PALM2AKAP2: variants seen among roughly 807,000 people sequenced by gnomAD.
PALM2AKAP2 encodes the protein PALM2 and AKAP2 fusion.
PALM2AKAP2 carries 37 observed loss-of-function variants against 71.5 expected under a neutral mutation model. The ratio of observed to expected loss-of-function variants is 0.52; its 90% CI spans 0.40 to 0.68. The LOEUF is 0.68. Ranked by LOEUF, PALM2AKAP2 falls within the 30% of genes least tolerant of loss-of-function variation. The probability of loss-of-function intolerance (pLI) is 0.00; values close to 1 mark genes in which losing one functional copy is unlikely to be tolerated. For synonymous variants in PALM2AKAP2, 468 were observed against 478.8 expected, an observed-to-expected ratio of 0.98 and a Z score of 0.29; for missense variants, 1,224 against 1,191.8, an observed-to-expected ratio of 1.03 and a Z score of -0.40.
chr9:110,024,268 A>G (rs1833132729), intron 7 of PALM2AKAP2, among the ~76,000 whole-genome samples: 1 of 152,170 alleles, frequency 6.6e-6, no homozygotes, highest in Non-Finnish European at 1.5e-5. Flanking sequence ...GCCCTCCTAT[A>G]GTTAATCTCC....
intron 1 of PALM2AKAP2, among the ~76,000 whole-genome samples, chr9:109,744,455 C>T (rs184737437): frequency 2.0e-5 from 3 of 152,180 alleles, no homozygotes; most frequent in Admixed American, 1.3e-4. Flanking sequence ...AGCTGCATGG[C>T]GTGGGCAATT....
At chr9:110,071,358 A>C (rs1159716606) in intron 1 of PALM2AKAP2, among the ~76,000 whole-genome samples, 1 of 152,172 alleles carries the variant, frequency 6.6e-6, no homozygotes, top group Non-Finnish European at 1.5e-5. Flanking sequence ...GAGGTCCCAA[A>C]TGTTATTTTC....
chr9:110,135,214 A>G (rs1303298715), intron 1 of PALM2AKAP2, among the ~76,000 whole-genome samples: 1 of 109,436 alleles, frequency 9.1e-6, no homozygotes, highest in Non-Finnish European at 1.8e-5. Context: ...GATGGCACAC[A>G]CCGGTAGTCC....
intron 3 of PALM2AKAP2, among the ~76,000 whole-genome samples, chr9:110,163,397 A>G (rs961630953): frequency 6.6e-6 from 1 of 152,224 alleles, no homozygotes; most frequent in African/African-American, 2.4e-5. Flanking sequence ...AGCTTTGTCC[A>G]TTCTTATCAT....
chr9:109,785,135 C>T (rs1033995220), intron 1 of PALM2AKAP2, among the ~76,000 whole-genome samples: 7 of 152,088 alleles, frequency 4.6e-5, no homozygotes, highest in East Asian at 1.9e-4. Flanking sequence ...CTAAGAGCCA[C>T]GTGGACAAGG....
chr9:109,702,392 C>T (rs1484662513), intron 1 of PALM2AKAP2, among the ~76,000 whole-genome samples: 1 of 152,156 alleles, frequency 6.6e-6, no homozygotes, highest in African/African-American at 2.4e-5. Context: ...CACATATACA[C>T]CATGGAATAC....
intron 1 of PALM2AKAP2, among the ~76,000 whole-genome samples, chr9:109,839,555 G>GA (rs1668364177): frequency 6.6e-6 from 1 of 152,154 alleles, no homozygotes; most frequent in Admixed American, 6.5e-5. Flanking sequence ...GCAGGAGAAA[G>GA]AAATAAAGGG....
chr9:109,906,976 T>C (rs1344760500), intron 3 of PALM2AKAP2, among the ~76,000 whole-genome samples: 1 of 152,230 alleles, frequency 6.6e-6, no homozygotes, highest in Non-Finnish European at 1.5e-5. Flanking sequence ...GAGGTCCTCA[T>C]TCACTCACTT....
chr9:109,698,010 G>A (rs1328244522), intron 1 of PALM2AKAP2, among the ~76,000 whole-genome samples: 4 of 152,126 alleles, frequency 2.6e-5, no homozygotes, highest in Admixed American at 1.3e-4. Context: ...ACACACATCT[G>A]CTGTGAATTG....
At chr9:109,883,779 G>A (rs2131777095) in intron 3 of PALM2AKAP2, among the ~76,000 whole-genome samples, 1 of 152,324 alleles carries the variant, frequency 6.6e-6, no homozygotes, top group East Asian at 1.9e-4. Context: ...CTGTGGATTG[G>A]CTGGCATGGC....
intron 6 of PALM2AKAP2, among the ~76,000 whole-genome samples, chr9:109,964,129 G>T (rs930850546): frequency 6.6e-6 from 1 of 152,248 alleles, no homozygotes. Context: ...TTTGATTTCA[G>T]ATATTGAGAT....
chr9:110,014,806 GTATA>G (rs34408706), intron 6 of PALM2AKAP2, among the ~76,000 whole-genome samples: 5,699 of 41,436 alleles, frequency 0.14, 1,031 homozygotes, highest in Non-Finnish European at 0.16. Context: ...AAAAAAAAAT[GTATA>G]TATATATATA....
exon 2 of PALM2AKAP2, chr9:110,137,593 T>C (rs1418200398): frequency 3.1e-6 from 5 of 1,613,976 alleles, no homozygotes; most frequent in African/African-American, 1.3e-5. Context: ...ATGATGACCA[T>C]GGGATTTTGG....
intron 1 of PALM2AKAP2, among the ~76,000 whole-genome samples, chr9:109,705,552 G>A (rs1828129640): frequency 6.6e-6 from 1 of 152,172 alleles, no homozygotes; most frequent in Non-Finnish European, 1.5e-5. Context: ...GCTTCCAGAG[G>A]ATGTTGAATG....
chr9:109,867,019 T>C (rs1019183024), intron 1 of PALM2AKAP2: 3 of 456,584 alleles, frequency 6.6e-6, no homozygotes, highest in African/African-American at 4.0e-5. Flanking sequence ...CTTATTTATG[T>C]CTGTGATTTT....
chr9:109,762,803 G>A (rs113235821), intron 1 of PALM2AKAP2, among the ~76,000 whole-genome samples: 3 of 152,230 alleles, frequency 2.0e-5, no homozygotes, highest in Non-Finnish European at 4.4e-5. Context: ...TTTTGCCTTG[G>A]CAGACATGGC....
intron 1 of PALM2AKAP2, among the ~76,000 whole-genome samples, chr9:110,057,472 C>T (rs990494358): frequency 2.6e-5 from 4 of 151,456 alleles, no homozygotes; most frequent in African/African-American, 7.3e-5. Flanking sequence ...TCTGCCTCCC[C>T]GGTTCAAGCG....
At chr9:109,732,017 TACTTTCGTGCCTTCAGCAGGAGCC>T (rs1208770385) in intron 1 of PALM2AKAP2, among the ~76,000 whole-genome samples, 1 of 152,174 alleles carries the variant, frequency 6.6e-6, no homozygotes, top group Non-Finnish European at 1.5e-5. Flanking sequence ...AGAAGCTGGG[TACTTTCGTGCCTTCAGCAGGAGCC>T]ACTTTGGCAG....
At chr9:109,998,986 G>T (rs1341739951) in intron 6 of PALM2AKAP2, among the ~76,000 whole-genome samples, 2 of 152,106 alleles carry the variant, frequency 1.3e-5, no homozygotes, top group Non-Finnish European at 2.9e-5. Context: ...TGCCAGCCCA[G>T]ACTGTGCTGA....
Sources: allele counts gnomAD v4.1 joint callset (sites outside exome capture counted in the v4.1 genomes callset), GRCh38; gene constraint gnomAD v4.1.1; transcripts MANE v1.5; gene names NCBI Gene and HGNC (gene_info 2026-07-23, HGNC 2026-07-21).